EMILIN2: variants seen among roughly 807,000 people sequenced by gnomAD.
EMILIN2 encodes the protein elastin microfibril interfacer 2.
In EMILIN2, 71 loss-of-function variants were observed where a neutral mutation model predicts 87.1. The observed-to-expected ratio is 0.82, with a 90% confidence interval of 0.67 to 0.99. EMILIN2 has a LOEUF of 0.99. Ranked by LOEUF, EMILIN2 falls within the 50% of genes least tolerant of loss-of-function variation. The pLI, the probability that EMILIN2 is intolerant of heterozygous loss-of-function variation, is 0.00. For missense variants in EMILIN2, 1,407 were observed against 1,371.8 expected (o/e 1.03, Z -0.40); for synonymous variants, 581 against 563.4 (o/e 1.03, Z -0.44).
intron 2 of EMILIN2, among the ~76,000 whole-genome samples, chr18:2,873,221 G>C (rs2076729623): frequency 6.6e-6 from 1 of 151,814 alleles, no homozygotes; most frequent in Non-Finnish European, 1.5e-5. Context: ...GACCAGCCTG[G>C]CCAACATGGC....
chr18:2,892,668 G>T (rs2076844936), intron 4 of EMILIN2, among the ~76,000 whole-genome samples, 182 bp downstream of exon 4: 3 of 151,882 alleles, frequency 2.0e-5, no homozygotes. Flanking sequence ...CTACCCAAAT[G>T]TGGTTCATAG....
intron 7 of EMILIN2, 72 bp from the exon 8 acceptor site, chr18:2,912,995 G>T: frequency 6.6e-7 from 1 of 1,508,876 alleles, no homozygotes; most frequent in Non-Finnish European, 9.0e-7. Flanking sequence ...TAATCACTGG[G>T]GGGCCACTTA....
intron 2 of EMILIN2, among the ~76,000 whole-genome samples, chr18:2,873,691 A>G (rs904934857): frequency 2.0e-5 from 3 of 151,984 alleles, no homozygotes; most frequent in African/African-American, 2.4e-5. Context: ...TGGGCGACAG[A>G]GCAAGACTCC....
intron 4 of EMILIN2, among the ~76,000 whole-genome samples, chr18:2,900,480 G>A (rs1324856525): frequency 6.6e-6 from 1 of 152,162 alleles, no homozygotes; most frequent in Non-Finnish European, 1.5e-5. Context: ...GAGCCACAGT[G>A]CCCAGCTCAA....
In EMILIN2 at chr18:2,878,228, A is replaced by G. The variant is rs561541644; in HGVS notation, c.258-6736A>G. 4.7e-3 allele frequency among the ~76,000 whole-genome samples: 718 copies of G among 152,260 alleles called. 5 individuals are homozygous for G. The highest frequency in any genetic ancestry group is 0.016 in the African/African-American group (662 of 41,556). On this transcript the variant is annotated intron_variant, in intron 2 of 7. Transcript: ENST00000254528. ...CAGGTGGCCGGGTGTGGTGGCTCAC[A>G]CCTGTAATCCCAGCATTTTGGGAGG...
chr18:2,872,086 A>G (rs1179425565), intron 2 of EMILIN2, among the ~76,000 whole-genome samples: 2 of 152,198 alleles, frequency 1.3e-5, no homozygotes, highest in African/African-American at 4.8e-5. Flanking sequence ...TATGGATGAT[A>G]GAGATAAGTT....
Position 2,915,459 on chromosome 18 carries a change from T to C in EMILIN2, c.*2055T>C, listed in dbSNP as rs1211357531. 6.6e-6 allele frequency: 1 copy of C among 151,740 alleles called. No homozygotes were observed. Among genetic ancestry groups the C allele is most frequent in the Non-Finnish European group, 1.5e-5 (1 of 68,010 alleles). 9.4% of individuals were successfully genotyped at this position (151,740 alleles called of 1,614,324 possible). ...CTTCAAGAAGTCATCACCCCTGAAG[T>C]AGTGCCTGCGAGTCAGTCAGAGGCA... On this transcript the variant is annotated 3_prime_UTR_variant, in exon 8 of 8. Coordinates refer to ENST00000254528, the MANE Select transcript of EMILIN2 (RefSeq NM_032048.3).
chr18:2,892,452 T>C lies in EMILIN2; in HGVS notation c.2325T>C (p.Asp775=). Residue 775 remains aspartate (D), a synonymous_variant, in exon 4 of 8, where the codon GAT becomes GAC. Transcript: ENST00000254528. Reference sequence around the variant, plus strand: ...GCCACGTCTTCCAGATTTCTACTGATTTGCAAGATCTGGTCAAATTTCAGC... The same window carrying C: ...GCCACGTCTTCCAGATTTCTACTGACTTGCAAGATCTGGTCAAATTTCAGC... ...FYSHVFQIST[D]LQDLVKFQPS... 3 of 1,605,342 alleles carry C rather than the reference T, an allele frequency of 1.9e-6. No homozygotes were observed. The highest frequency in any genetic ancestry group is 2.7e-5 in the African/African-American group (2 of 74,966).
chr18:2,906,968 G>A lies in EMILIN2; in HGVS notation c.2545G>A (p.Gly849Ser), dbSNP rs941666249. 1.9e-5 allele frequency: 27 copies of A among 1,394,114 alleles called. No individual in the cohort carries two copies. Among genetic ancestry groups the A allele is most frequent in the Non-Finnish European group, 2.2e-5 (24 of 1,072,462 alleles). The allele number at this position is 1,394,114 out of a possible 1,614,324, so 86.4% of individuals were successfully genotyped here. A position where few individuals can be genotyped will look rare whatever the true frequency, so the allele number is the denominator to read the frequency against. ...CTCCACCGGGGTCATCGCGGAGACG[G>A]GCCAGGCCGGGCCCCCCGCAGGCGC... Reference protein sequence around the residue: ...PGSTGVIAETGQAGPPAGAGV... With the variant: ...PGSTGVIAETSQAGPPAGAGV... The change falls in exon 5 of 8, where the codon GGC (glycine) becomes AGC (serine). Residue 849 changes from glycine (G) to serine (S), a missense_variant. Gly to Ser is a moderately conservative substitution (Grantham distance 56). Coordinates refer to ENST00000254528, the MANE Select transcript of EMILIN2 (RefSeq NM_032048.3).
chr18:2,890,666 A>T lies in EMILIN2; in HGVS notation c.539A>T (p.Gln180Leu). 1 of 1,614,146 alleles carries T rather than the reference A, an allele frequency of 6.2e-7. No individual in the cohort carries two copies. Among genetic ancestry groups the T allele is most frequent in the Non-Finnish European group, 8.5e-7 (1 of 1,179,988 alleles). The change falls in exon 4 of 8, where the codon CAG (glutamine) becomes CTG (leucine). Residue 180 changes from glutamine to leucine, a missense_variant. Physicochemically the swap from Gln to Leu is moderately radical, Grantham distance 113. Coordinates refer to ENST00000254528, the MANE Select transcript of EMILIN2 (RefSeq NM_032048.3). This position sits in a 1 kb window ranked among gnomAD's most constrained non-coding sequence, Gnocchi z 4.7. ...CCAAAAGAGGGGCCTCAGGAACTTC[A>T]GGAAAAGAAGATACAGGTGCTAGAG... ...VDPKEGPQELQEKKIQVLEEK... is the reference protein window; with the variant it reads ...VDPKEGPQELLEKKIQVLEEK...
chr18:2,849,096 G>A (rs550131346), intron 2 of EMILIN2, among the ~76,000 whole-genome samples: 2 of 152,314 alleles, frequency 1.3e-5, no homozygotes, highest in East Asian at 1.9e-4. Context: ...TGCCCAGCTA[G>A]GCTATCTCTT....
intron 6 of EMILIN2, 55 bp downstream of exon 6, chr18:2,909,030 C>T: frequency 1.2e-6 from 2 of 1,600,734 alleles, no homozygotes; most frequent in South Asian, 1.1e-5. Flanking sequence ...GTGGCCTCTG[C>T]CCCTCCTCTG....
chr18:2,911,961 G>C (rs1477632249), intron 7 of EMILIN2, among the ~76,000 whole-genome samples: 1 of 152,014 alleles, frequency 6.6e-6, no homozygotes, highest in Non-Finnish European at 1.5e-5. Context: ...TTCAAAGTTG[G>C]GAAGGGGACT....
intron 4 of EMILIN2, among the ~76,000 whole-genome samples, chr18:2,905,431 G>A (rs947614012): frequency 1.3e-5 from 2 of 151,984 alleles, no homozygotes; most frequent in African/African-American, 4.8e-5. Context: ...GGCATGCAGT[G>A]TATAATAATC....
intron 4 of EMILIN2, among the ~76,000 whole-genome samples, chr18:2,905,607 C>A (rs144612626): frequency 6.6e-6 from 1 of 151,912 alleles, no homozygotes; most frequent in Non-Finnish European, 1.5e-5. Context: ...TATTTTTGAA[C>A]CCATCAACCA....
chr18:2,869,786 T>TTG (rs777623155), intron 2 of EMILIN2, among the ~76,000 whole-genome samples: 1,082 of 59,144 alleles, frequency 0.018, 9 homozygotes, highest in Middle Eastern at 0.074. Flanking sequence ...GTGTGTGTGT[T>TTG]TGTGTGTGTG....
chr18:2,884,094 T>C (rs1248530), intron 2 of EMILIN2, among the ~76,000 whole-genome samples: 61,056 of 151,736 alleles, frequency 0.4, 13,568 homozygotes, highest in South Asian at 0.5. Context: ...GAGCTGGGAC[T>C]ACAGGCGCAC....
chr18:2,913,126 A>G lies in EMILIN2; in HGVS notation c.2884A>G (p.Arg962Gly). The change falls in exon 8 of 8, where the codon AGA (arginine) becomes GGA (glycine). Residue 962 changes from arginine (R) to glycine (G), a missense_variant. Arg to Gly is a moderately radical substitution (Grantham distance 125). Transcript: ENST00000254528. ...GATCACGGCCACCCTCACCCCCGAG[A>G]GAGACGCCTACGTGGAAGCAGTGCT... ...YLITATLTPE[R>G]DAYVEAVLSV... 2 of 1,613,336 alleles carry G rather than the reference A, an allele frequency of 1.2e-6. No individual in the cohort carries two copies. The highest frequency in any genetic ancestry group is 2.7e-5 in the African/African-American group (2 of 74,880).
intron 4 of EMILIN2, among the ~76,000 whole-genome samples, chr18:2,901,803 G>A (rs1311079086): frequency 6.6e-6 from 1 of 152,236 alleles, no homozygotes; most frequent in Non-Finnish European, 1.5e-5. Context: ...GGTCATAAAT[G>A]TGTGCGTTCG....
Sources: gnomAD v4.1 joint callset for allele counts (sites outside exome capture counted in the v4.1 genomes callset) on GRCh38, gnomAD v4.1.1 for gene constraint, Gnocchi (gnomAD v3.1) non-coding constraint, MANE v1.5 for transcripts, NCBI Gene and HGNC (gene_info 2026-07-23, HGNC 2026-07-21) for gene names.